LPP: variants seen among roughly 807,000 people sequenced by gnomAD.
The protein encoded by LPP is lipoma-preferred partner.
Under a neutral mutation model 60.4 loss-of-function variants are expected in LPP, and 38 were observed. The observed-to-expected ratio is 0.63, with a 90% confidence interval of 0.49 to 0.83. LPP has a LOEUF of 0.83. Among genes scored for constraint, LPP ranks in the 40% least tolerant of loss-of-function variants. LPP has a pLI of 0.00. For missense variants in LPP, 902 were observed against 783.6 expected, an observed-to-expected ratio of 1.15 and a Z score of -1.80; for synonymous variants, 328 against 290.8, an observed-to-expected ratio of 1.13 and a Z score of -1.30.
chr3:188,372,505 A>T (rs1330480110), intron 3 of LPP, among the ~76,000 whole-genome samples: 1 of 152,046 alleles, frequency 6.6e-6, no homozygotes, highest in Non-Finnish European at 1.5e-5. Context: ...GTTGTAAGAA[A>T]TGTTTTCAGA....
At chr3:188,452,154 A>G (rs1214030130) in intron 4 of LPP, among the ~76,000 whole-genome samples, 1 of 152,188 alleles carries the variant, frequency 6.6e-6, no homozygotes, top group African/African-American at 2.4e-5. Context: ...GGCCAGTAGA[A>G]CTAAGGATAA....
chr3:188,484,971 ATT>A (rs560402961), intron 5 of LPP, among the ~76,000 whole-genome samples: 2 of 149,164 alleles, frequency 1.3e-5, no homozygotes, highest in Non-Finnish European at 3.0e-5. Flanking sequence ...TCCCAAAGCC[ATT>A]TTTTTTTTAG....
Position 188,352,693 on chromosome 3 carries a change from G to A in LPP, c.-10+10974G>A, listed in dbSNP as rs1015056346. Among the ~76,000 whole-genome samples, 1 of 37,620 alleles carries A rather than the reference G, an allele frequency of 2.7e-5. No individual in the cohort carries two copies. Among genetic ancestry groups the A allele is most frequent in the African/African-American group, 1.2e-4 (1 of 8,554 alleles). 24.7% of individuals were successfully genotyped at this position (37,620 alleles called of 152,430 possible). ...GTCAGGTCTTGTTTCCCTGCTTGTT[G>A]ATGTTCCAGCTGCATGCACGGCACT... On this transcript the variant is annotated intron_variant, in intron 3 of 11. Coordinates refer to ENST00000617246, the MANE Select transcript of LPP (RefSeq NM_001375462.1). This position sits in a 1 kb window ranked among gnomAD's most constrained non-coding sequence, Gnocchi z 4.4.
At chr3:188,813,084 C>A (rs115045621) in intron 9 of LPP, among the ~76,000 whole-genome samples, 1 of 152,184 alleles carries the variant, frequency 6.6e-6, no homozygotes, top group African/African-American at 2.4e-5. Flanking sequence ...CCAGTTATTG[C>A]AGCAAATTTA....
intron 7 of LPP, among the ~76,000 whole-genome samples, chr3:188,698,930 G>A (rs998562152): frequency 7.2e-5 from 11 of 152,204 alleles, no homozygotes; most frequent in African/African-American, 1.9e-4. Context: ...CTACACTGAA[G>A]TCCTTTATCA....
At chr3:188,757,567 A>C (rs895543758) in intron 8 of LPP, among the ~76,000 whole-genome samples, 1 of 152,160 alleles carries the variant, frequency 6.6e-6, no homozygotes, top group African/African-American at 2.4e-5. Context: ...TTTTTAGGGG[A>C]CGGGGGGAAG....
intron 4 of LPP, among the ~76,000 whole-genome samples, chr3:188,479,040 T>C (rs1804010922): frequency 6.6e-6 from 1 of 152,196 alleles, no homozygotes; most frequent in African/African-American, 2.4e-5. Context: ...GTGTGAGCCA[T>C]GCACCCAGCC....
intron 9 of LPP, among the ~76,000 whole-genome samples, chr3:188,833,779 G>A (rs1757670917): frequency 6.6e-6 from 1 of 151,978 alleles, no homozygotes; most frequent in African/African-American, 2.4e-5. Context: ...GAGCAATTAT[G>A]AGGATGTTGA....
At chr3:188,863,497 G>A (rs577606094) in intron 9 of LPP, among the ~76,000 whole-genome samples, 1 of 152,156 alleles carries the variant, frequency 6.6e-6, no homozygotes, top group Non-Finnish European at 1.5e-5. Context: ...TGGAATGAGA[G>A]TCTGGACTAA....
At chr3:188,687,357 C>T (rs553113601) in intron 7 of LPP, among the ~76,000 whole-genome samples, 1 of 152,264 alleles carries the variant, frequency 6.6e-6, no homozygotes, top group East Asian at 1.9e-4. Flanking sequence ...TTGGCTTTGT[C>T]CCTACCCAAA....
intron 9 of LPP, among the ~76,000 whole-genome samples, chr3:188,770,392 C>T (rs1431907325): frequency 1.4e-5 from 2 of 147,166 alleles, no homozygotes; most frequent in East Asian, 2.0e-4. Context: ...TGGGTTTCAC[C>T]GTGTTAGCCA....
intron 5 of LPP, among the ~76,000 whole-genome samples, chr3:188,508,463 G>T (rs1402824798): frequency 2.0e-5 from 3 of 152,214 alleles, no homozygotes; most frequent in Admixed American, 2.0e-4. Flanking sequence ...TGAGAATAAT[G>T]CATTGCTATA....
In LPP at chr3:188,611,326, G is replaced by A. The variant is rs532476096; in HGVS notation, c.1113+1482G>A. 2.6e-5 allele frequency among the ~76,000 whole-genome samples: 4 copies of A among 152,256 alleles called. No homozygotes were observed. The South Asian group carries it at 8.3e-4, about 32-fold the overall frequency. ...CTCTATGAAAAGAAATGTTATTACA[G>A]TTTTTTATTTCTTTTTAAAATGAAT... is the stretch of plus-strand genomic sequence containing the variant. On this transcript the variant is annotated intron_variant, in intron 7 of 11. Transcript: ENST00000617246.
In LPP at chr3:188,419,312, T is replaced by C. The variant is rs116718225; in HGVS notation, c.193+12999T>C. The stretch of plus-strand genomic sequence containing the variant: ...AAACAGTTTATATTTTCATTAGAAA[T>C]TCAACATATGAAAATGCCCAGTTAA... On this transcript the variant is annotated intron_variant, in intron 4 of 11. Transcript: ENST00000617246. Among the ~76,000 whole-genome samples the C allele has an allele frequency of 2.8e-3, 434 of 152,334 alleles. 3 individuals carry two copies. The highest frequency in any genetic ancestry group is 9.8e-3 in the African/African-American group (407 of 41,588).
intron 9 of LPP, among the ~76,000 whole-genome samples, chr3:188,851,743 A>G (rs1407087096): frequency 6.6e-6 from 1 of 152,234 alleles, no homozygotes; most frequent in Non-Finnish European, 1.5e-5. Flanking sequence ...AAGAGTTTAT[A>G]ATTAAATATA....
intron 6 of LPP, among the ~76,000 whole-genome samples, chr3:188,586,785 TG>T (rs1389637620): frequency 6.6e-6 from 1 of 150,820 alleles, no homozygotes; most frequent in Non-Finnish European, 1.5e-5. Context: ...TGGAGTGCAG[TG>T]GCCCGATCTT....
chr3:188,652,522 C>T (rs1168301868), intron 7 of LPP, among the ~76,000 whole-genome samples: 3 of 151,984 alleles, frequency 2.0e-5, no homozygotes, highest in Non-Finnish European at 4.4e-5. Flanking sequence ...TAATGCAAAA[C>T]AGAACCGATT....
intron 9 of LPP, among the ~76,000 whole-genome samples, chr3:188,787,540 C>T (rs1157310248): frequency 6.6e-6 from 1 of 152,158 alleles, no homozygotes; most frequent in Non-Finnish European, 1.5e-5. Context: ...CACTTCTGAA[C>T]ATCACCAGTG....
intron 8 of LPP, among the ~76,000 whole-genome samples, chr3:188,719,890 A>T (rs891002510): frequency 6.6e-6 from 1 of 151,758 alleles, no homozygotes; most frequent in African/African-American, 2.4e-5. Context: ...CTGGAGTTGT[A>T]CTTGGTAGGC....
Sources: gnomAD v4.1 joint callset for allele counts (sites outside exome capture counted in the v4.1 genomes callset) on GRCh38, gnomAD v4.1.1 for gene constraint, Gnocchi (gnomAD v3.1) non-coding constraint, MANE v1.5 for transcripts, NCBI Gene and HGNC (gene_info 2026-07-23, HGNC 2026-07-21) for gene names.